Variants in KAT6B observed in about 807,000 individuals in gnomAD.
KAT6B encodes the protein histone acetyltransferase KAT6B.
Under a neutral mutation model 187.5 loss-of-function variants are expected in KAT6B, and 10 were observed. The observed-to-expected ratio is 0.05, with a 90% confidence interval of 0.03 to 0.09. The LOEUF is 0.09. KAT6B is among the 10% of genes least tolerant of loss of function. The pLI is 1.00. For missense variants in KAT6B, 1,952 were observed against 2,558.9 expected (o/e 0.76, Z 5.12); for synonymous variants, 861 against 926.8 (o/e 0.93, Z 1.29).
chr10:75,030,828 A>G lies in KAT6B; in HGVS notation c.6004A>G (p.Met2002Val), dbSNP rs1236079486. Reference sequence around the variant, plus strand: ...TGGGTACAGCATGTCCCAGCCAATGATGAACAGTGGCTACCACAGCAATCA... The same window carrying G: ...TGGGTACAGCATGTCCCAGCCAATGGTGAACAGTGGCTACCACAGCAATCA... ...MNGYSMSQPM[M>V]NSGYHSNHGY... The change falls in exon 18 of 18, where the codon ATG (methionine) becomes GTG (valine). Residue 2002 changes from methionine (M) to valine (V), a missense_variant. Physicochemically the swap from Met to Val is conservative, Grantham distance 21. This residue lies in a region of KAT6B where 358 missense variants were observed against 436.3 expected (regional missense o/e 0.82). Transcript: ENST00000287239. This position sits in a 1 kb window ranked among gnomAD's most constrained non-coding sequence, Gnocchi z 4.8. The G allele has an allele frequency of 6.2e-7, 1 of 1,614,076 alleles. No individual in the cohort carries two copies. Among genetic ancestry groups the G allele is most frequent in the Non-Finnish European group, 8.5e-7 (1 of 1,180,024 alleles).
intron 3 of KAT6B, among the ~76,000 whole-genome samples, chr10:74,943,973 A>G (rs1849895450): frequency 6.6e-6 from 1 of 152,218 alleles, no homozygotes; most frequent in African/African-American, 2.4e-5. Context: ...ACCCAATTAA[A>G]CAATGGGTGT....
Position 74,975,872 on chromosome 10 carries a change from C to T in KAT6B, c.1535C>T (p.Thr512Met), listed in dbSNP as rs201559853. The change falls in exon 8 of 18, where the codon ACG becomes ATG. Residue 512 changes from threonine (T) to methionine (M), a missense_variant. Physicochemically the swap from Thr to Met is moderately conservative, Grantham distance 81. Transcript: ENST00000287239. Reference sequence around the variant, plus strand: ...AGCCCCAGTTCACAAAAGTCCAGCACGGCCACTTCTTCTCCCTCTCCCCAG... The same window carrying T: ...AGCCCCAGTTCACAAAAGTCCAGCATGGCCACTTCTTCTCCCTCTCCCCAG... ...GQSPSSQKSS[T>M]ATSSPSPQSS... The T allele has an allele frequency of 5.0e-6, 8 of 1,614,158 alleles. No homozygotes were observed. Among genetic ancestry groups the T allele is most frequent in the Admixed American group, 1.7e-5 (1 of 60,018 alleles).
intron 4 of KAT6B, among the ~76,000 whole-genome samples, chr10:74,966,437 T>C (rs532143289): frequency 4.6e-5 from 7 of 152,332 alleles, no homozygotes; most frequent in African/African-American, 1.7e-4. Context: ...GGCGCTGCTG[T>C]TGTTGTGCTT....
Position 74,878,644 on chromosome 10 carries a change from T to C in KAT6B, c.621+35166T>C, listed in dbSNP as rs539703899. ...CAAAAAAAAAAAAAAAAAAAAGACA[T>C]TTGTTTTGGCTGGGGAAGGCTTTGC... is the stretch of plus-strand genomic sequence containing the variant. On this transcript the variant is annotated intron_variant, in intron 3 of 17. Coordinates refer to ENST00000287239, the MANE Select transcript of KAT6B (RefSeq NM_012330.4). 1.7e-4 allele frequency among the ~76,000 whole-genome samples: 25 copies of C among 149,164 alleles called. No individual in the cohort carries two copies. In the South Asian group the frequency reaches 5.1e-3, roughly 31 times the overall value.
At chr10:74,950,226 T>C (rs1185991423) in intron 3 of KAT6B, among the ~76,000 whole-genome samples, 1 of 152,144 alleles carries the variant, frequency 6.6e-6, no homozygotes, top group African/African-American at 2.4e-5. Context: ...CATGATGAAA[T>C]TGCAAGAATA....
At position 75,029,168 on chromosome 10, in the gene KAT6B, C is replaced by A. The variant is rs1402730737; in HGVS notation, c.4344C>A (p.Ser1448Arg). 13 of 1,614,140 alleles carry A rather than the reference C, an allele frequency of 8.1e-6. No homozygotes were observed. The highest frequency in any genetic ancestry group is 1.1e-5 in the Non-Finnish European group (13 of 1,180,032). Residue 1448 changes from serine (S) to arginine (R), a missense_variant, in exon 18 of 18, where the codon AGC becomes AGA. Physicochemically the swap from Ser to Arg is moderately radical, Grantham distance 110. Coordinates refer to ENST00000287239, the MANE Select transcript of KAT6B (RefSeq NM_012330.4). This position sits in a 1 kb window ranked among gnomAD's most constrained non-coding sequence, Gnocchi z 6.2. ...EVEKEELPRE[S>R]FKEVLENQET... is the part of the protein sequence containing the mutation. ...AGAAGGAAGAGCTGCCCAGAGAAAG[C>A]TTCAAAGAAGTACTGGAAAACCAGG...
At chr10:74,833,070 G>A (rs1840991510) in intron 1 of KAT6B, among the ~76,000 whole-genome samples, 1 of 150,116 alleles carries the variant, frequency 6.7e-6, no homozygotes. Context: ...GGGAGGCGGA[G>A]GTTGCAGTGA....
At chr10:74,963,332 G>A (rs1374197110) in intron 4 of KAT6B, among the ~76,000 whole-genome samples, 1 of 152,178 alleles carries the variant, frequency 6.6e-6, no homozygotes, top group African/African-American at 2.4e-5. Context: ...TGTGTCTGCT[G>A]CTCAGATTGC....
chr10:74,981,653 T>A, intron 10 of KAT6B, 134 bp from the exon 11 acceptor site: 1 of 689,320 alleles, frequency 1.5e-6, no homozygotes, highest in East Asian at 2.7e-5. Context: ...GAATTACAGG[T>A]GTGAGCCACT....
intron 3 of KAT6B, among the ~76,000 whole-genome samples, chr10:74,956,120 C>G (rs1406015843): frequency 6.6e-6 from 1 of 152,088 alleles, no homozygotes; most frequent in Non-Finnish European, 1.5e-5. Flanking sequence ...TGGGGTCTCC[C>G]CGTGTTGCCC....
intron 3 of KAT6B, among the ~76,000 whole-genome samples, chr10:74,898,868 C>T (rs866805111): frequency 7.1e-4 from 108 of 151,830 alleles, no homozygotes; most frequent in African/African-American, 2.4e-3. Context: ...TAGAATCAAC[C>T]GGCTGGGCAC....
At chr10:74,905,981 T>C (rs1275739633) in intron 3 of KAT6B, among the ~76,000 whole-genome samples, 3 of 152,070 alleles carry the variant, frequency 2.0e-5, no homozygotes, top group Non-Finnish European at 4.4e-5. Context: ...GAGGATTATG[T>C]AGAAAAATTG....
intron 13 of KAT6B, among the ~76,000 whole-genome samples, chr10:75,001,483 C>G (rs1291942886): frequency 8.5e-6 from 1 of 117,376 alleles, no homozygotes; most frequent in Non-Finnish European, 1.6e-5. Flanking sequence ...CATATCCACT[C>G]TCTCAGAGAG....
At chr10:74,845,590 G>A (rs142509366) in intron 3 of KAT6B, among the ~76,000 whole-genome samples, 1,743 of 149,916 alleles carry the variant, frequency 0.012, 17 homozygotes, top group Middle Eastern at 0.024. Context: ...GTTTACTGCA[G>A]CCTTGACCTT....
At chr10:75,012,137 TATACTTGAAG>T (rs1844650498) in intron 13 of KAT6B, among the ~76,000 whole-genome samples, 1 of 152,074 alleles carries the variant, frequency 6.6e-6, no homozygotes, top group Admixed American at 6.5e-5. Context: ...ACCACTGGGC[TATACTTGAAG>T]ACAGAAGAAG....
intron 3 of KAT6B, among the ~76,000 whole-genome samples, chr10:74,898,578 C>T (rs758754220): frequency 6.6e-6 from 1 of 151,830 alleles, no homozygotes; most frequent in Non-Finnish European, 1.5e-5. Context: ...ATAATGTGGG[C>T]GTTAGTCTCA....
At chr10:74,982,050 C>A in intron 11 of KAT6B, 122 bp downstream of exon 11, 2 of 871,666 alleles carry the variant, frequency 2.3e-6, no homozygotes, top group Non-Finnish European at 3.7e-6. Context: ...GAAATTCAGA[C>A]TGCCCTTTAA....
chr10:74,914,361 C>G (rs1020351971), intron 3 of KAT6B, among the ~76,000 whole-genome samples: 14 of 152,002 alleles, frequency 9.2e-5, no homozygotes, highest in African/African-American at 3.4e-4. Flanking sequence ...AAATCAAATT[C>G]CATCTTATTA....
At chr10:74,964,151 AC>A (rs1009096630) in intron 4 of KAT6B, among the ~76,000 whole-genome samples, 1 of 152,118 alleles carries the variant, frequency 6.6e-6, no homozygotes, top group African/African-American at 2.4e-5. Context: ...AAATAAAAAA[AC>A]AAAGCAGAAA....
Sources: allele counts gnomAD v4.1 joint callset (sites outside exome capture counted in the v4.1 genomes callset), GRCh38; gene constraint gnomAD v4.1.1; regional missense constraint gnomAD v4.1.1; non-coding constraint Gnocchi (gnomAD v3.1); transcripts MANE v1.5; gene names NCBI Gene and HGNC (gene_info 2026-07-23, HGNC 2026-07-21).